Variants in NDE1 observed in about 807,000 individuals in gnomAD.
NDE1 encodes the protein nuclear distribution protein nudE homolog 1.
In NDE1, 28 loss-of-function variants were observed where a neutral mutation model predicts 43.4. The observed-to-expected ratio is 0.65, with a 90% confidence interval of 0.48 to 0.89. The LOEUF is 0.89. NDE1 is among the 40% of genes least tolerant of loss of function. NDE1 has a pLI of 0.00. For synonymous variants in NDE1, 184 were observed against 172.0 expected, an observed-to-expected ratio of 1.07 and a Z score of -0.55; for missense variants, 441 against 434.1, an observed-to-expected ratio of 1.02 and a Z score of -0.14.
At chr16:15,690,068 T>C (rs144663675) in intron 5 of NDE1, among the ~76,000 whole-genome samples, 1,588 of 152,166 alleles carry the variant, frequency 0.01, 16 homozygotes, top group Non-Finnish European at 0.018. Flanking sequence ...TTTGAGACAG[T>C]CTTGCTCTGT....
At chr16:15,672,082 C>A (rs1264626364) in intron 3 of NDE1, among the ~76,000 whole-genome samples, 2 of 151,964 alleles carry the variant, frequency 1.3e-5, no homozygotes, top group East Asian at 3.9e-4. Flanking sequence ...GGATAACAGG[C>A]CCTCCATGGA....
intron 4 of NDE1, among the ~76,000 whole-genome samples, chr16:15,685,757 C>G (rs780971778): frequency 2.0e-4 from 30 of 152,066 alleles, no homozygotes; most frequent in Non-Finnish European, 4.3e-4. Context: ...CAATGATACT[C>G]AGTGAGTTCT....
intron 1 of NDE1, among the ~76,000 whole-genome samples, chr16:15,659,058 G>A (rs559200291): frequency 6.6e-6 from 1 of 152,318 alleles, no homozygotes; most frequent in African/African-American, 2.4e-5. Flanking sequence ...TTCTCTGAAT[G>A]AGGGAAAGGA....
intron 3 of NDE1, among the ~76,000 whole-genome samples, chr16:15,676,634 C>T (rs1421087807): frequency 3.9e-5 from 6 of 152,068 alleles, no homozygotes; most frequent in Non-Finnish European, 7.4e-5. Flanking sequence ...TCATGCTGCC[C>T]TCCCATTGTT....
intron 8 of NDE1, chr16:15,699,793 G>A (rs760751759): frequency 7.4e-7 from 1 of 1,351,568 alleles, no homozygotes; most frequent in South Asian, 1.1e-5. Flanking sequence ...GCTGCCGTCA[G>A]CCCAGGGGGT....
chr16:15,647,920 C>T (rs117165050), upstream of NDE1, among the ~76,000 whole-genome samples: 79 of 151,786 alleles, frequency 5.2e-4, no homozygotes, highest in East Asian at 0.013. Context: ...GTGGTCCTAG[C>T]TACTCCGGAG....
At chr16:15,718,118 G>GA in intron 8 of NDE1, 1 of 806,942 alleles carries the variant, frequency 1.2e-6, no homozygotes, top group Non-Finnish European at 2.0e-6. Context: ...CTGCAGCGTG[G>GA]AGAGGAGTAT....
chr16:15,696,752 A>G lies in NDE1; in HGVS notation c.839A>G (p.Asp280Gly), dbSNP rs1251590277. Residue 280 changes from aspartate to glycine, a missense_variant, in exon 8 of 9, where the codon GAT (aspartate) becomes GGT (glycine). Coordinates refer to ENST00000396354, the MANE Select transcript of NDE1 (RefSeq NM_017668.3). ...KLASCRNLVY[D>G]QSPNRTGGPA... ...GCTTCCTGCCGGAACCTCGTGTACG[A>G]TCAGTCCCCAAACCGAACAGGTGGC... 5.0e-6 allele frequency: 8 copies of G among 1,614,084 alleles called. No individual in the cohort carries two copies. The African/African-American group carries it at 1.1e-4, about 22-fold the overall frequency.
At chr16:15,674,411 A>AT (rs1218392000) in intron 3 of NDE1, among the ~76,000 whole-genome samples, 4 of 150,720 alleles carry the variant, frequency 2.7e-5, no homozygotes, top group South Asian at 2.1e-4. Flanking sequence ...CACTCGGCTA[A>AT]TTTTTTTTTG....
At chr16:15,682,252 C>A (rs565220066) in intron 4 of NDE1, among the ~76,000 whole-genome samples, 27 of 151,864 alleles carry the variant, frequency 1.8e-4, no homozygotes, top group Non-Finnish European at 3.1e-4. Context: ...AGTGCAGTGG[C>A]ACGATCACTT....
upstream of NDE1, among the ~76,000 whole-genome samples, chr16:15,646,426 A>C (rs2036330426): frequency 6.6e-6 from 1 of 151,960 alleles, no homozygotes; most frequent in South Asian, 2.1e-4. Context: ...TACTAAAACT[A>C]CAAAATTAGC....
chr16:15,668,497 G>A (rs78757511), intron 3 of NDE1, among the ~76,000 whole-genome samples: 1,563 of 152,128 alleles, frequency 0.01, 34 homozygotes, highest in African/African-American at 0.035. Flanking sequence ...ACTCCTGGAC[G>A]CGAGCAGTCC....
intron 8 of NDE1, among the ~76,000 whole-genome samples, chr16:15,697,407 T>C (rs1422366936): frequency 6.6e-6 from 1 of 152,098 alleles, no homozygotes; most frequent in African/African-American, 2.4e-5. Context: ...GAGAATGTCC[T>C]GTATAAAAGC....
Position 15,720,137 on chromosome 16 carries a change from C to T in NDE1, c.948-4054C>T, listed in dbSNP as rs987334363. On this transcript the variant is annotated intron_variant, in intron 8 of 8. Transcript: ENST00000396354. ...CTCCCTCCACCCATGCCCCAAGCTC[C>T]TAGTGTCACCCACCTGCAGTTTGCG... 2.5e-6 allele frequency: 4 copies of T among 1,614,134 alleles called. No individual in the cohort carries two copies. Among genetic ancestry groups the T allele is most frequent in the Non-Finnish European group, 1.7e-6 (2 of 1,180,024 alleles).
intron 6 of NDE1, among the ~76,000 whole-genome samples, chr16:15,693,710 C>G (rs1483494471): frequency 1.3e-5 from 2 of 152,036 alleles, no homozygotes; most frequent in African/African-American, 4.8e-5. Context: ...GAGGCCAAGG[C>G]GGGCAGATCA....
rs760584464 is a variant in NDE1 at position 15,720,205 on chromosome 16, G to T, written c.948-3986G>T. 1.2e-6 allele frequency: 2 copies of T among 1,613,950 alleles called. No individual in the cohort carries two copies. Among genetic ancestry groups the T allele is most frequent in the Non-Finnish European group, 1.7e-6 (2 of 1,180,032 alleles). ...CCTCCCTCCCCTTGATGGCAGAGTC[G>T]GCCTGAAGCTCCAGGTCTTTCAGGT... is the stretch of plus-strand genomic sequence containing the variant. On this transcript the variant is annotated intron_variant, in intron 8 of 8. Transcript: ENST00000396354.
chr16:15,681,451 T>C (rs1203230434), intron 4 of NDE1, among the ~76,000 whole-genome samples: 2 of 151,374 alleles, frequency 1.3e-5, no homozygotes, highest in East Asian at 3.9e-4. Context: ...TTTTTGTAGA[T>C]ACAGGGTTTT....
intron 8 of NDE1, chr16:15,718,027 A>C (rs1205716540): frequency 1.5e-5 from 8 of 517,968 alleles, no homozygotes; most frequent in Non-Finnish European, 2.8e-5. Flanking sequence ...AAACGCAATG[A>C]AAGAGCATCC....
upstream of NDE1, among the ~76,000 whole-genome samples, chr16:15,646,108 CCTCT>C (rs2036324472): frequency 1.3e-5 from 2 of 152,120 alleles, no homozygotes; most frequent in Admixed American, 1.3e-4. Flanking sequence ...ATTTCAATGC[CCTCT>C]CTTTTTTCTT....
Sources: gnomAD v4.1 joint callset for allele counts (sites outside exome capture counted in the v4.1 genomes callset) on GRCh38, gnomAD v4.1.1 for gene constraint, MANE v1.5 for transcripts, NCBI Gene and HGNC (gene_info 2026-07-23, HGNC 2026-07-21) for gene names.